The following ASTN2 variants were observed in gnomAD, a reference collection of about 807,000 sequenced individuals.
ASTN2 encodes astrotactin-2.
Under a neutral mutation model 139.8 loss-of-function variants are expected in ASTN2, and 54 were observed. The observed-to-expected ratio is 0.39, with a 90% CI of 0.31 to 0.48. The LOEUF is 0.48. ASTN2 is among the 20% of genes least tolerant of loss of function. The probability of loss-of-function intolerance (pLI) is 0.95; values close to 1 mark genes in which losing one functional copy is unlikely to be tolerated. For synonymous variants in ASTN2, 756 were observed against 719.5 expected (o/e 1.05, Z -0.81); for missense variants, 1,565 against 1,725.1 (o/e 0.91, Z 1.64).
intron 3 of ASTN2, among the ~76,000 whole-genome samples, chr9:117,165,044 A>G (rs1174725324): frequency 6.6e-6 from 1 of 152,006 alleles, no homozygotes. Context: ...GTATTTGAAC[A>G]TACAGTCTGA....
intron 3 of ASTN2, among the ~76,000 whole-genome samples, chr9:117,152,241 T>A (rs935224411): frequency 1.3e-5 from 2 of 152,194 alleles, no homozygotes; most frequent in Non-Finnish European, 2.9e-5. Flanking sequence ...CGGCTTAACC[T>A]AGATAAGCCT....
At chr9:117,238,454 G>C (rs1416709185) in intron 2 of ASTN2, among the ~76,000 whole-genome samples, 1 of 152,170 alleles carries the variant, frequency 6.6e-6, no homozygotes, top group East Asian at 1.9e-4. Context: ...GATTGTACCA[G>C]ATGATCTCCA....
intron 13 of ASTN2, among the ~76,000 whole-genome samples, chr9:116,737,298 T>C (rs369085665): frequency 6.6e-6 from 1 of 151,990 alleles, no homozygotes; most frequent in Non-Finnish European, 1.5e-5. Flanking sequence ...GATGAGAGAG[T>C]AGCTGCTGGG....
At chr9:116,799,704 A>AG (rs1228410479) in intron 13 of ASTN2, among the ~76,000 whole-genome samples, 32 of 97,384 alleles carry the variant, frequency 3.3e-4, no homozygotes, top group Admixed American at 1.3e-3. Context: ...TGGGTAAGAG[A>AG]GTGGGGGGGG....
At chr9:117,124,119 T>C (rs1355772228) in intron 4 of ASTN2, among the ~76,000 whole-genome samples, 1 of 152,208 alleles carries the variant, frequency 6.6e-6, no homozygotes, top group African/African-American at 2.4e-5. Flanking sequence ...TTCTCACTTG[T>C]GAAAACAGGG....
intron 20 of ASTN2, among the ~76,000 whole-genome samples, chr9:116,464,504 C>T (rs1461150106): frequency 6.6e-6 from 1 of 152,190 alleles, no homozygotes; most frequent in Non-Finnish European, 1.5e-5. Context: ...GACTGGCCCA[C>T]AGCATTCAAT....
intron 19 of ASTN2, among the ~76,000 whole-genome samples, chr9:116,573,763 T>A (rs1199452388): frequency 6.6e-6 from 1 of 152,154 alleles, no homozygotes; most frequent in Non-Finnish European, 1.5e-5. Flanking sequence ...TGAAGTGGTT[T>A]GTCCCAAGTT....
chr9:116,505,541 C>A (rs879118218), intron 19 of ASTN2, among the ~76,000 whole-genome samples: 2 of 152,152 alleles, frequency 1.3e-5, no homozygotes, highest in Admixed American at 1.3e-4. Context: ...TTGTGTAAGA[C>A]AGGAATAAGA....
intron 19 of ASTN2, among the ~76,000 whole-genome samples, chr9:116,605,029 T>C (rs10983262): frequency 0.19 from 27,489 of 145,958 alleles, 2,788 homozygotes; most frequent in Non-Finnish European, 0.24. Flanking sequence ...CAGAGTGACA[T>C]GGAATAAAAA....
At chr9:116,826,287 C>G (rs12553956) in intron 11 of ASTN2, among the ~76,000 whole-genome samples, 33,808 of 152,160 alleles carry the variant, frequency 0.22, 4,249 homozygotes, top group Admixed American at 0.29. Flanking sequence ...GCCACACTCA[C>G]CACAGCTTCT....
At chr9:116,819,490 T>A (rs1831424773) in intron 12 of ASTN2, among the ~76,000 whole-genome samples, 1 of 152,150 alleles carries the variant, frequency 6.6e-6, no homozygotes. Context: ...AAAGGAGACC[T>A]TGAAATAAGC....
At chr9:117,256,179 A>C (rs1228742930) in intron 2 of ASTN2, among the ~76,000 whole-genome samples, 4 of 152,136 alleles carry the variant, frequency 2.6e-5, no homozygotes, top group Non-Finnish European at 5.9e-5. Flanking sequence ...AGCTCAACTC[A>C]TGTTCAGCCT....
chr9:116,489,900 G>T lies in ASTN2; in HGVS notation c.3356-2400C>A, dbSNP rs117200167. 5.3e-4 allele frequency among the ~76,000 whole-genome samples: 80 copies of T among 152,274 alleles called. 1 individual carries two copies. In the East Asian group the frequency reaches 0.014, roughly 27 times the overall value. ...CAAGTGTCTAAATCAGGGTAGTGTT[G>T]GCAACAGGCAATTTCAGCTGCCACT... On this transcript the variant is annotated intron_variant, in intron 19 of 22. Coordinates refer to ENST00000313400, the MANE Select transcript of ASTN2 (RefSeq NM_001365068.1).
chr9:116,542,569 T>C (rs1846372557), intron 19 of ASTN2, among the ~76,000 whole-genome samples: 1 of 152,172 alleles, frequency 6.6e-6, no homozygotes. Context: ...AAAAAATAGA[T>C]TACATTTTGG....
chr9:116,949,700 A>G (rs3849143), intron 10 of ASTN2, among the ~76,000 whole-genome samples: 7,343 of 152,270 alleles, frequency 0.048, 582 homozygotes, highest in African/African-American at 0.16. Context: ...TGAAGCCTAC[A>G]TTTGTAGCTT....
chr9:117,091,717 C>T (rs79952209), intron 5 of ASTN2, among the ~76,000 whole-genome samples: 9,837 of 151,956 alleles, frequency 0.065, 491 homozygotes, highest in East Asian at 0.21. Context: ...GCGGACAGAG[C>T]CCTGGGGAGA....
At chr9:116,832,424 C>T (rs1019438073) in intron 11 of ASTN2, among the ~76,000 whole-genome samples, 8 of 151,982 alleles carry the variant, frequency 5.3e-5, no homozygotes, top group African/African-American at 1.9e-4. Flanking sequence ...AGTGAATCTG[C>T]TTTTCTTGTC....
rs559353989 is a variant in ASTN2 at position 117,262,075 on chromosome 9, C to T, written c.630+29251G>A. Among the ~76,000 whole-genome samples the T allele has an allele frequency of 4.5e-4, 68 of 152,200 alleles. No homozygotes were observed. In the South Asian group the frequency reaches 6.0e-3, roughly 13 times the overall value. On this transcript the variant is annotated intron_variant, in intron 2 of 22. Transcript: ENST00000313400. Reference sequence around the variant, plus strand: ...CCTCTATCATTTAGGAATCAGAGAACGACATAAACAAAAGAGTAAATCTGA... The same window carrying T: ...CCTCTATCATTTAGGAATCAGAGAATGACATAAACAAAAGAGTAAATCTGA...
rs570864451 is a variant in ASTN2, at chr9:117,120,389, C to G, written c.1168+20937G>C. The stretch of plus-strand genomic sequence containing the variant: ...GCCCATGAGGAAGGCCACCATGCCA[C>G]AGTGAGTGTATACAGTAATGTCTCC... On this transcript the variant is annotated intron_variant, in intron 4 of 22. Transcript: ENST00000313400. Among the ~76,000 whole-genome samples, 6 of 152,246 alleles carry G rather than the reference C, an allele frequency of 3.9e-5. No homozygotes were observed. The South Asian group carries it at 1.2e-3, about 32-fold the overall frequency.
Sources: allele counts gnomAD v4.1 joint callset (sites outside exome capture counted in the v4.1 genomes callset), GRCh38; gene constraint gnomAD v4.1.1; transcripts MANE v1.5; gene names NCBI Gene and HGNC (gene_info 2026-07-23, HGNC 2026-07-21).